Variants in GLRA3 observed in about 807,000 individuals in gnomAD.
GLRA3 encodes the protein glycine receptor subunit alpha-3.
Under a neutral mutation model 60.4 loss-of-function variants are expected in GLRA3, and 44 were observed. The observed-to-expected ratio is 0.73, with a 90% CI of 0.57 to 0.94. The LOEUF is 0.94. Ranked by LOEUF, GLRA3 falls within the 40% of genes least tolerant of loss-of-function variation. The probability of loss-of-function intolerance (pLI) is 0.00; values close to 1 mark genes in which losing one functional copy is unlikely to be tolerated. For missense variants in GLRA3, 508 were observed against 564.6 expected (o/e 0.90, Z 1.02); for synonymous variants, 223 against 192.9 (o/e 1.16, Z -1.29).
At chr4:174,660,701 G>C (rs1733401185) in intron 7 of GLRA3, among the ~76,000 whole-genome samples, 1 of 152,120 alleles carries the variant, frequency 6.6e-6, no homozygotes, top group Non-Finnish European at 1.5e-5. Context: ...GTTACTCAGT[G>C]GTGATTTTCT....
At chr4:174,674,528 G>A (rs960399647) in intron 7 of GLRA3, among the ~76,000 whole-genome samples, 11 of 152,244 alleles carry the variant, frequency 7.2e-5, no homozygotes, top group African/African-American at 2.6e-4. Flanking sequence ...TAGTTCTCTA[G>A]AAGCTGGCTA....
chr4:174,725,016 C>T (rs1736268546), intron 4 of GLRA3, among the ~76,000 whole-genome samples: 1 of 152,234 alleles, frequency 6.6e-6, no homozygotes, highest in Non-Finnish European at 1.5e-5. Context: ...TTTGGGAACT[C>T]AACTTCTTGA....
intron 7 of GLRA3, among the ~76,000 whole-genome samples, chr4:174,661,802 T>C (rs997023719): frequency 7.9e-5 from 12 of 151,230 alleles, no homozygotes; most frequent in Admixed American, 6.6e-4. Flanking sequence ...ACCTCAAAGG[T>C]AGAAAAGGGA....
intron 1 of GLRA3, among the ~76,000 whole-genome samples, chr4:174,801,052 C>A (rs185303959): frequency 6.6e-6 from 1 of 151,974 alleles, no homozygotes; most frequent in African/African-American, 2.4e-5. Flanking sequence ...AAGGTAGAGT[C>A]GGCTAAACTA....
At chr4:174,764,692 T>C (rs1286242839) in intron 3 of GLRA3, among the ~76,000 whole-genome samples, 1 of 152,070 alleles carries the variant, frequency 6.6e-6, no homozygotes, top group African/African-American at 2.4e-5. Flanking sequence ...TAAAGTTTTG[T>C]TGTAGAGTCG....
Position 174,715,519 on chromosome 4 carries a change from A to C in GLRA3, c.543T>G (p.Asp181Glu). ...CPMDLKNFPM[D>E]VQTCIMQLES... ...CCAGTTGCATTATACATGTTTGTAC[A>C]TCCATGGGAAAATTCTTGAGATCCA... Residue 181 changes from aspartate (D) to glutamate (E), a missense_variant, in exon 5 of 10, where the codon GAT becomes GAG. Around this residue, in one of 3 missense-constraint regions of GLRA3, gnomAD observed 329 missense variants for 349.3 expected, o/e 0.94. Coordinates refer to ENST00000274093, the MANE Select transcript of GLRA3 (RefSeq NM_006529.4). 1 of 1,558,008 alleles carries C rather than the reference A, an allele frequency of 6.4e-7. No individual in the cohort carries two copies. Among genetic ancestry groups the C allele is most frequent in the Non-Finnish European group, 8.8e-7 (1 of 1,132,376 alleles).
At chr4:174,668,019 T>C (rs1733746364) in intron 7 of GLRA3, among the ~76,000 whole-genome samples, 1 of 152,080 alleles carries the variant, frequency 6.6e-6, no homozygotes, top group Non-Finnish European at 1.5e-5. Context: ...TCTAGTGCTG[T>C]CTTGTGACAG....
Position 174,821,400 on chromosome 4 carries a change from A to C in GLRA3, c.71+7341T>G, listed in dbSNP as rs73868100. ...TTTTTTATGGTTTTATTTCTATGTCATGACCCAAAATTGTAAATTATATGA... is the reference window on the plus strand; with the variant it reads ...TTTTTTATGGTTTTATTTCTATGTCCTGACCCAAAATTGTAAATTATATGA... On this transcript the variant is annotated intron_variant, in intron 1 of 9. Transcript: ENST00000274093. 6.5e-3 allele frequency among the ~76,000 whole-genome samples: 987 copies of C among 152,290 alleles called. 5 individuals carry two copies. Among genetic ancestry groups the C allele is most frequent in the African/African-American group, 0.023 (944 of 41,564 alleles).
intron 5 of GLRA3, among the ~76,000 whole-genome samples, chr4:174,712,133 G>A (rs1023144161): frequency 6.6e-6 from 1 of 151,590 alleles, no homozygotes; most frequent in African/African-American, 2.4e-5. Flanking sequence ...TAGGAATTTT[G>A]TATCATCCAT....
chr4:174,643,767 T>G lies in GLRA3; in HGVS notation c.*19A>C. On this transcript the variant is annotated 3_prime_UTR_variant, in exon 10 of 10. Coordinates refer to ENST00000274093, the MANE Select transcript of GLRA3 (RefSeq NM_006529.4). ...CTTTCTTCTGAATTGACCATTTGCA[T>G]TTGCATGCCCCCAGAGACTTAATCT... 1 of 1,604,132 alleles carries G rather than the reference T, an allele frequency of 6.2e-7. No homozygotes were observed. Among genetic ancestry groups the G allele is most frequent in the Non-Finnish European group, 8.5e-7 (1 of 1,174,056 alleles).
intron 5 of GLRA3, among the ~76,000 whole-genome samples, chr4:174,711,447 T>TATA: frequency 1.1e-5 from 1 of 92,484 alleles, no homozygotes; most frequent in African/African-American, 3.8e-5. Flanking sequence ...ATATATATAT[T>TATA]TTTTTTTTTT....
At chr4:174,800,740 T>C (rs151026967) in intron 1 of GLRA3, among the ~76,000 whole-genome samples, 1 of 152,224 alleles carries the variant, frequency 6.6e-6, no homozygotes, top group East Asian at 1.9e-4. Context: ...TAGCTTATGA[T>C]GATTTGACTT....
chr4:174,802,584 C>T (rs753078007), intron 1 of GLRA3, among the ~76,000 whole-genome samples: 1 of 152,024 alleles, frequency 6.6e-6, no homozygotes, highest in African/African-American at 2.4e-5. Context: ...AACTAATCTC[C>T]TGTCTCCTGG....
At chr4:174,758,568 A>G (rs1737815529) in intron 3 of GLRA3, among the ~76,000 whole-genome samples, 1 of 152,192 alleles carries the variant, frequency 6.6e-6, no homozygotes, top group African/African-American at 2.4e-5. Flanking sequence ...TATCCTGGAT[A>G]GGATAACGGG....
At chr4:174,653,127 TA>T (rs1158687735) in intron 9 of GLRA3, among the ~76,000 whole-genome samples, 3 of 152,026 alleles carry the variant, frequency 2.0e-5, no homozygotes, top group African/African-American at 7.2e-5. Flanking sequence ...AATAGGAATG[TA>T]AAAAACAAAG....
intron 5 of GLRA3, among the ~76,000 whole-genome samples, chr4:174,693,712 A>G (rs912634471): frequency 6.6e-6 from 1 of 152,178 alleles, no homozygotes; most frequent in Non-Finnish European, 1.5e-5. Flanking sequence ...TTTTATAGAA[A>G]TAGCATTTAA....
chr4:174,705,923 T>C (rs1343353858), intron 5 of GLRA3, among the ~76,000 whole-genome samples: 2 of 152,112 alleles, frequency 1.3e-5, no homozygotes, highest in Non-Finnish European at 1.5e-5. Context: ...AATAAATTTA[T>C]AATTTAATGG....
chr4:174,682,828 C>A lies in GLRA3; in HGVS notation c.686G>T (p.Arg229Leu), dbSNP rs368953565. Residue 229 changes from arginine (R) to leucine (L), a missense_variant, in exon 6 of 10, where the codon CGA becomes CTA. Around this residue, in one of 3 missense-constraint regions of GLRA3, gnomAD observed 329 missense variants for 349.3 expected, o/e 0.94. Coordinates refer to ENST00000274093, the MANE Select transcript of GLRA3 (RefSeq NM_006529.4). ...TGTATTGTAATGTTTAGTGCAGTAT[C>A]GTAAATCTTTTTCTTCTTTCAACAG... ...QFLLKEEKDL[R>L]YCTKHYNTGK... The A allele has an allele frequency of 2.5e-6, 4 of 1,612,754 alleles. No homozygotes were observed. The African/African-American group carries it at 5.3e-5, about 22-fold the overall frequency.
chr4:174,793,825 A>G (rs1338720323), intron 1 of GLRA3, among the ~76,000 whole-genome samples: 1 of 152,150 alleles, frequency 6.6e-6, no homozygotes, highest in Non-Finnish European at 1.5e-5. Context: ...AATTCTATCT[A>G]TCATCTATCT....
Sources: allele counts gnomAD v4.1 joint callset (sites outside exome capture counted in the v4.1 genomes callset), GRCh38; gene constraint gnomAD v4.1.1; regional missense constraint gnomAD v4.1.1; transcripts MANE v1.5; gene names NCBI Gene and HGNC (gene_info 2026-07-23, HGNC 2026-07-21).